Variants in NPAS3 observed in about 807,000 individuals in gnomAD.
The protein encoded by NPAS3 is neuronal PAS domain-containing protein 3.
In NPAS3, 14 loss-of-function variants were observed where a neutral mutation model predicts 73.1. The ratio of observed to expected loss-of-function variants is 0.19; its 90% CI spans 0.13 to 0.30. The LOEUF is 0.30. Among genes scored for constraint, NPAS3 ranks in the 10% least tolerant of loss-of-function variants. The pLI is 1.00. For missense variants in NPAS3, 1,096 were observed against 1,250.0 expected, an observed-to-expected ratio of 0.88 and a Z score of 1.86; for synonymous variants, 620 against 541.5, an observed-to-expected ratio of 1.14 and a Z score of -2.01.
intron 4 of NPAS3, among the ~76,000 whole-genome samples, chr14:33,490,878 C>A (rs1172805885): frequency 6.6e-6 from 1 of 152,084 alleles, no homozygotes; most frequent in Non-Finnish European, 1.5e-5. Context: ...GCCTGGCAGC[C>A]CTAAAGCGCA....
intron 3 of NPAS3, among the ~76,000 whole-genome samples, chr14:33,286,402 G>C (rs2041875052): frequency 6.6e-6 from 1 of 152,136 alleles, no homozygotes; most frequent in African/African-American, 2.4e-5. Context: ...TGGATACAGA[G>C]ATAGTAATCA....
At chr14:33,793,822 C>G in intron 9 of NPAS3, 75 bp from the exon 10 acceptor site, 8 of 1,391,524 alleles carry the variant, frequency 5.7e-6, no homozygotes, top group Non-Finnish European at 6.7e-6. Context: ...TAAGGTTTTG[C>G]AGAGATAAAA....
chr14:32,951,639 G>C (rs533386281), intron 1 of NPAS3, among the ~76,000 whole-genome samples: 4 of 152,062 alleles, frequency 2.6e-5, no homozygotes, highest in Admixed American at 2.0e-4. Context: ...AAGAACTCTG[G>C]AAATATTGGA....
At chr14:33,570,739 TA>T (rs2056173868) in intron 5 of NPAS3, among the ~76,000 whole-genome samples, 1 of 152,232 alleles carries the variant, frequency 6.6e-6, no homozygotes, top group Non-Finnish European at 1.5e-5. Context: ...AAGATATTTC[TA>T]AAATGTCACA....
At chr14:33,675,687 G>A (rs1392984874) in intron 5 of NPAS3, among the ~76,000 whole-genome samples, 2 of 152,108 alleles carry the variant, frequency 1.3e-5, no homozygotes, top group Non-Finnish European at 2.9e-5. Context: ...ATATTTGTAA[G>A]CAGCCCTTCT....
intron 5 of NPAS3, among the ~76,000 whole-genome samples, chr14:33,672,106 T>TAACC (rs2140318256): frequency 6.6e-6 from 1 of 152,112 alleles, no homozygotes; most frequent in Non-Finnish European, 1.5e-5. Context: ...CACCTGAAAC[T>TAACC]AACCAGTTAA....
At chr14:32,946,319 T>C (rs2036247096) in intron 1 of NPAS3, among the ~76,000 whole-genome samples, 1 of 141,796 alleles carries the variant, frequency 7.1e-6, no homozygotes, top group African/African-American at 2.6e-5. Flanking sequence ...AGTTATTTAC[T>C]CCCCCATCCC....
At chr14:33,599,644 G>T (rs2139991048) in intron 5 of NPAS3, among the ~76,000 whole-genome samples, 1 of 152,274 alleles carries the variant, frequency 6.6e-6, no homozygotes, top group East Asian at 1.9e-4. Context: ...AAAAACGGCA[G>T]ATTACTAAAT....
intron 3 of NPAS3, among the ~76,000 whole-genome samples, chr14:33,246,548 A>AT (rs1165156365): frequency 1.1e-4 from 16 of 151,088 alleles, no homozygotes; most frequent in African/African-American, 3.6e-4. Flanking sequence ...AAAAAAAAAA[A>AT]AAAAAAAAAG....
At chr14:33,481,464 C>T (rs926228669) in intron 4 of NPAS3, among the ~76,000 whole-genome samples, 1 of 152,148 alleles carries the variant, frequency 6.6e-6, no homozygotes, top group African/African-American at 2.4e-5. Flanking sequence ...GAATTTACCC[C>T]ATTAACAGCT....
chr14:33,628,824 G>C (rs531923189), intron 5 of NPAS3, among the ~76,000 whole-genome samples: 1 of 152,172 alleles, frequency 6.6e-6, no homozygotes, highest in Admixed American at 6.5e-5. Context: ...ATTTTCTCAC[G>C]TAATGAAATA....
intron 3 of NPAS3, among the ~76,000 whole-genome samples, chr14:33,235,005 G>C (rs1400273849): frequency 6.6e-6 from 1 of 152,014 alleles, no homozygotes; most frequent in Non-Finnish European, 1.5e-5. Context: ...TTACAAACTA[G>C]ATAAAACCAG....
chr14:33,130,741 A>G (rs2043606395), intron 2 of NPAS3, among the ~76,000 whole-genome samples: 1 of 152,160 alleles, frequency 6.6e-6, no homozygotes, highest in South Asian at 2.1e-4. Flanking sequence ...TTTTGCTTAT[A>G]TTGTATTTTT....
chr14:33,463,670 G>A (rs1026666276), intron 4 of NPAS3, among the ~76,000 whole-genome samples: 4 of 152,116 alleles, frequency 2.6e-5, no homozygotes, highest in Non-Finnish European at 5.9e-5. Context: ...GATAAACTGA[G>A]GCAAAGAAAA....
At chr14:33,346,984 A>T (rs1314280451) in intron 3 of NPAS3, among the ~76,000 whole-genome samples, 1 of 152,196 alleles carries the variant, frequency 6.6e-6, no homozygotes, top group Non-Finnish European at 1.5e-5. Context: ...AGGTTACTCC[A>T]TGTCCACCAT....
At chr14:33,258,865 G>GT (rs1430378916) in intron 3 of NPAS3, among the ~76,000 whole-genome samples, 1 of 152,142 alleles carries the variant, frequency 6.6e-6, no homozygotes, top group African/African-American at 2.4e-5. Flanking sequence ...CAAGGCTGGA[G>GT]TGCAGTGGCG....
chr14:33,698,833 G>C (rs1160419095), intron 6 of NPAS3, among the ~76,000 whole-genome samples: 1 of 152,170 alleles, frequency 6.6e-6, no homozygotes, highest in Non-Finnish European at 1.5e-5. Flanking sequence ...CTAAATAAAG[G>C]ATGAAGGTAA....
intron 5 of NPAS3, chr14:33,585,975 C>A (rs2056844213): frequency 6.6e-6 from 1 of 151,934 alleles, no homozygotes. Flanking sequence ...AGGATCACAT[C>A]CTGAAATCTG....
At chr14:33,638,658 A>T (rs1000637708) in intron 5 of NPAS3, among the ~76,000 whole-genome samples, 1 of 152,350 alleles carries the variant, frequency 6.6e-6, no homozygotes, top group South Asian at 2.1e-4. Context: ...TAGGGGCAAC[A>T]TCATTGCTGG....
Sources: allele counts gnomAD v4.1 joint callset (sites outside exome capture counted in the v4.1 genomes callset), GRCh38; gene constraint gnomAD v4.1.1; transcripts MANE v1.5; gene names NCBI Gene and HGNC (gene_info 2026-07-23, HGNC 2026-07-21).